Variants in ZNF536 observed in about 807,000 individuals in gnomAD.
ZNF536 encodes the protein zinc finger protein 536.
Under a neutral mutation model 84.5 loss-of-function variants are expected in ZNF536, and 13 were observed. That is an observed-to-expected ratio of 0.15 (90% CI 0.10 to 0.24). The LOEUF (loss-of-function observed/expected upper bound fraction) is 0.24. Among genes scored for constraint, ZNF536 ranks in the 10% least tolerant of loss-of-function variants. The probability of loss-of-function intolerance (pLI) is 1.00; values close to 1 mark genes in which losing one functional copy is unlikely to be tolerated. For missense variants in ZNF536, 1,536 were observed against 1,747.5 expected, an observed-to-expected ratio of 0.88 and a Z score of 2.16; for synonymous variants, 811 against 742.5, an observed-to-expected ratio of 1.09 and a Z score of -1.50.
intron 1 of ZNF536, among the ~76,000 whole-genome samples, chr19:30,248,527 A>G (rs988390914): frequency 1.3e-5 from 2 of 151,706 alleles, no homozygotes; most frequent in African/African-American, 2.4e-5. Flanking sequence ...TGCAGGGGTG[A>G]GCCACTGTGC....
At chr19:30,251,931 A>AGTAGTATTCC (rs551190572) in intron 1 of ZNF536, among the ~76,000 whole-genome samples, 3 of 152,316 alleles carry the variant, frequency 2.0e-5, no homozygotes, top group Non-Finnish European at 2.9e-5. Context: ...TTTGTGGCTG[A>AGTAGTATTCC]GTAGTATTCC....
chr19:30,301,243 T>C (rs915825853), intron 2 of ZNF536, among the ~76,000 whole-genome samples: 1 of 152,172 alleles, frequency 6.6e-6, no homozygotes, highest in African/African-American at 2.4e-5. Flanking sequence ...GACAACTTAC[T>C]TCTCATATTA....
chr19:30,261,021 G>A lies in ZNF536; in HGVS notation c.-189-23051G>A, dbSNP rs369516385. ...TATTAGAAAAATATAACTAGCGGCCGGGCGCGGTGGCTCACGCCTGTAATC... is the reference window on the plus strand; with the variant it reads ...TATTAGAAAAATATAACTAGCGGCCAGGCGCGGTGGCTCACGCCTGTAATC... On this transcript the variant is annotated intron_variant, in intron 1 of 5. Coordinates refer to the ZNF536 transcript ENST00000585628. 2.8e-4 allele frequency among the ~76,000 whole-genome samples: 43 copies of A among 152,292 alleles called. 1 individual carries two copies. In the South Asian group the frequency reaches 3.7e-3, roughly 13 times the overall value.
At chr19:30,374,551 A>G (rs941556828) in intron 1 of ZNF536, among the ~76,000 whole-genome samples, 8 of 152,072 alleles carry the variant, frequency 5.3e-5, no homozygotes, top group Non-Finnish European at 1.2e-4. Context: ...AGGAATAGAA[A>G]CCGCCCTGAA....
chr19:30,531,047 G>A (rs1357172147), intron 2 of ZNF536, among the ~76,000 whole-genome samples: 6 of 152,140 alleles, frequency 3.9e-5, no homozygotes, highest in African/African-American at 1.4e-4. Context: ...GACCACCCAC[G>A]ATAGCCCTTC....
chr19:30,556,766 G>C (rs995228778), intron 4 of ZNF536: 1 of 155,576 alleles, frequency 6.4e-6, no homozygotes, highest in African/African-American at 2.6e-5. Flanking sequence ...CAGGAGAGAA[G>C]TCTGGTAGCA....
intron 2 of ZNF536, among the ~76,000 whole-genome samples, chr19:30,446,132 C>T (rs1467829253): frequency 6.6e-6 from 1 of 150,532 alleles, no homozygotes; most frequent in Non-Finnish European, 1.5e-5. Flanking sequence ...GCCTGTAATC[C>T]TAGCTATTCG....
At chr19:30,270,298 T>C (rs1223889346) in intron 1 of ZNF536, among the ~76,000 whole-genome samples, 4 of 152,252 alleles carry the variant, frequency 2.6e-5, no homozygotes, top group African/African-American at 9.6e-5. Context: ...TATAATGCTA[T>C]GGCCTATAGC....
intron 1 of ZNF536, among the ~76,000 whole-genome samples, chr19:30,576,998 G>A (rs926124216): frequency 3.0e-4 from 45 of 152,208 alleles, no homozygotes; most frequent in African/African-American, 1.0e-3. Flanking sequence ...GTTTTTTGTT[G>A]TTGTTGTTGT....
rs1401028054 is a variant in ZNF536 at position 30,656,460 on chromosome 19, C to T, written c.170-54297C>T. Among the ~76,000 whole-genome samples the T allele has an allele frequency of 3.9e-5, 6 of 152,188 alleles. No homozygotes were observed. The South Asian group carries it at 8.3e-4, about 21-fold the overall frequency. On this transcript the variant is annotated intron_variant, in intron 1 of 1. Coordinates refer to the ZNF536 transcript ENST00000592773. ...TGGAGCACGTTGCACCATCTCTACC[C>T]TGCTGGAAACGCGCTGTCACTCTGT...
intron 4 of ZNF536, 80 bp from the exon 5 acceptor site, chr19:30,557,077 G>A (rs2146368109): frequency 6.8e-7 from 1 of 1,462,138 alleles, no homozygotes; most frequent in Non-Finnish European, 9.5e-7. Flanking sequence ...ATTAGGGGAT[G>A]TGGCCCTGCC....
intron 1 of ZNF536, among the ~76,000 whole-genome samples, chr19:30,232,432 C>T (rs1039814935): frequency 4.1e-5 from 6 of 147,526 alleles, no homozygotes; most frequent in African/African-American, 1.5e-4. Context: ...TTCTGCCCCG[C>T]CTTTCTCCCC....
At chr19:30,428,298 C>A (rs1032014259) in intron 1 of ZNF536, among the ~76,000 whole-genome samples, 1 of 152,122 alleles carries the variant, frequency 6.6e-6, no homozygotes, top group Non-Finnish European at 1.5e-5. Context: ...GAGCACCTGC[C>A]CTGTGCAGAC....
intron 1 of ZNF536, among the ~76,000 whole-genome samples, chr19:30,430,210 C>A (rs1189825926): frequency 1.3e-5 from 2 of 152,214 alleles, no homozygotes; most frequent in Non-Finnish European, 2.9e-5. Flanking sequence ...CCCGGCATCC[C>A]CGCTTTCTCC....
chr19:30,267,321 T>C (rs2025565646), intron 1 of ZNF536, among the ~76,000 whole-genome samples: 1 of 152,176 alleles, frequency 6.6e-6, no homozygotes, highest in African/African-American at 2.4e-5. Context: ...TTAGAGAAAA[T>C]ATATGTAACA....
chr19:30,438,715 C>T (rs565767149), intron 1 of ZNF536, among the ~76,000 whole-genome samples: 2 of 152,280 alleles, frequency 1.3e-5, no homozygotes, highest in South Asian at 2.1e-4. Context: ...TCATTCCCAT[C>T]GCCCAGGCTG....
chr19:30,344,940 G>A (rs1305128700), intron 2 of ZNF536, among the ~76,000 whole-genome samples: 1 of 152,202 alleles, frequency 6.6e-6, no homozygotes, highest in Non-Finnish European at 1.5e-5. Context: ...TTCTGTGGGA[G>A]ACACAGATTG....
At chr19:30,589,407 T>C (rs1032389716) in intron 1 of ZNF536, among the ~76,000 whole-genome samples, 3 of 152,176 alleles carry the variant, frequency 2.0e-5, no homozygotes, top group East Asian at 3.9e-4. Flanking sequence ...GCTTGAACAA[T>C]GAGAAGAGGG....
chr19:30,394,261 C>G (rs1179342220), intron 1 of ZNF536, among the ~76,000 whole-genome samples: 2 of 152,128 alleles, frequency 1.3e-5, no homozygotes, highest in African/African-American at 4.8e-5. Flanking sequence ...TTTCTGAAGC[C>G]AGTCCAACAG....
Sources: gnomAD v4.1 joint callset for allele counts (sites outside exome capture counted in the v4.1 genomes callset) on GRCh38, gnomAD v4.1.1 for gene constraint, MANE v1.5 for transcripts, NCBI Gene and HGNC (gene_info 2026-07-23, HGNC 2026-07-21) for gene names.